SOX5: variants seen among roughly 807,000 people sequenced by gnomAD.
The protein encoded by SOX5 is transcription factor SOX-5.
Under a neutral mutation model 92.0 loss-of-function variants are expected in SOX5, and 9 were observed. That is an observed-to-expected ratio of 0.10 (90% CI 0.06 to 0.17). SOX5 has a LOEUF of 0.17. Ranked by LOEUF, SOX5 falls within the 10% of genes least tolerant of loss-of-function variation. SOX5 has a pLI of 1.00. For synonymous variants in SOX5, 344 were observed against 336.3 expected, an observed-to-expected ratio of 1.02 and a Z score of -0.25; for missense variants, 642 against 944.5, an observed-to-expected ratio of 0.68 and a Z score of 4.20.
chr12:24,277,446 T>TTATA (rs146511822), intron 2 of SOX5: 10 of 99,476 alleles, frequency 1.0e-4, no homozygotes, highest in South Asian at 4.0e-4. Context: ...TGATAAACCA[T>TTATA]TATATATATG....
chr12:23,614,313 C>A (rs1395474077), intron 8 of SOX5, among the ~76,000 whole-genome samples: 1 of 152,194 alleles, frequency 6.6e-6, no homozygotes, highest in Non-Finnish European at 1.5e-5. Flanking sequence ...GCAGAAGACC[C>A]TCCTCCCCCT....
intron 1 of SOX5, among the ~76,000 whole-genome samples, chr12:24,477,990 A>G (rs1190922499): frequency 3.3e-5 from 5 of 152,174 alleles, no homozygotes; most frequent in Non-Finnish European, 7.4e-5. Context: ...TTAGGTTAAC[A>G]GAACAGCAAA....
intron 1 of SOX5, among the ~76,000 whole-genome samples, chr12:24,382,785 C>T (rs995274106): frequency 2.2e-5 from 3 of 139,290 alleles, no homozygotes; most frequent in African/African-American, 8.4e-5. Flanking sequence ...GTTAGATGTA[C>T]AGTAAAAGCA....
chr12:24,509,626 T>C (rs1949119653), intron 1 of SOX5, among the ~76,000 whole-genome samples: 1 of 152,180 alleles, frequency 6.6e-6, no homozygotes, highest in South Asian at 2.1e-4. Context: ...CATGAAAGCA[T>C]AGAGAACTGA....
chr12:24,396,426 G>T (rs1264729251), intron 1 of SOX5, among the ~76,000 whole-genome samples: 1 of 152,198 alleles, frequency 6.6e-6, no homozygotes, highest in Admixed American at 6.5e-5. Context: ...TTTTAGTAAA[G>T]GAGGCAATTG....
At chr12:24,043,139 T>C (rs1314128031) in intron 4 of SOX5, among the ~76,000 whole-genome samples, 2 of 152,192 alleles carry the variant, frequency 1.3e-5, no homozygotes, top group African/African-American at 4.8e-5. Context: ...CCATAGACTT[T>C]CTGGTTCATA....
chr12:24,040,790 G>T (rs991391465), intron 4 of SOX5, among the ~76,000 whole-genome samples: 1 of 152,014 alleles, frequency 6.6e-6, no homozygotes, highest in Non-Finnish European at 1.5e-5. Context: ...GGAGAATGGC[G>T]TACACCTGGG....
intron 1 of SOX5, among the ~76,000 whole-genome samples, chr12:24,516,958 A>C (rs538589785): frequency 4.6e-4 from 70 of 152,318 alleles, no homozygotes; most frequent in Middle Eastern, 3.4e-3. Flanking sequence ...TAATCTGTAG[A>C]ATTAGTCTAA....
intron 6 of SOX5, among the ~76,000 whole-genome samples, chr12:23,710,918 T>C (rs2091988930): frequency 6.6e-6 from 1 of 152,190 alleles, no homozygotes; most frequent in African/African-American, 2.4e-5. Flanking sequence ...TCCTGACTTT[T>C]TAATGATCAC....
chr12:24,408,485 T>A (rs1963453997), intron 1 of SOX5, among the ~76,000 whole-genome samples: 1 of 152,136 alleles, frequency 6.6e-6, no homozygotes, highest in Admixed American at 6.6e-5. Flanking sequence ...TACAGAACAT[T>A]TCCAACACCA....
intron 10 of SOX5, among the ~76,000 whole-genome samples, chr12:23,573,484 G>A (rs915150584): frequency 7.2e-5 from 11 of 151,942 alleles, no homozygotes; most frequent in Non-Finnish European, 2.9e-5. Flanking sequence ...GTTTTCCTAG[G>A]CTAGTATGAC....
chr12:23,588,011 C>T (rs1950988831), intron 9 of SOX5, among the ~76,000 whole-genome samples: 1 of 152,042 alleles, frequency 6.6e-6, no homozygotes, highest in Admixed American at 6.6e-5. Context: ...TCAATAGAGT[C>T]ATTAAGGCAT....
At chr12:24,249,859 T>C (rs1311152828) in intron 3 of SOX5, among the ~76,000 whole-genome samples, 1 of 152,250 alleles carries the variant, frequency 6.6e-6, no homozygotes, top group Non-Finnish European at 1.5e-5. Context: ...TCACCTTTGT[T>C]CTGGTACTTA....
intron 4 of SOX5, among the ~76,000 whole-genome samples, chr12:24,131,524 TA>T (rs1399045110): frequency 6.6e-6 from 1 of 152,242 alleles, no homozygotes; most frequent in African/African-American, 2.4e-5. Context: ...TTTCACAATT[TA>T]AGAATAATCC....
intron 4 of SOX5, among the ~76,000 whole-genome samples, chr12:24,049,235 T>C (rs1592673975): frequency 6.6e-6 from 1 of 152,284 alleles, no homozygotes; most frequent in South Asian, 2.1e-4. Flanking sequence ...TAGGTCAAGG[T>C]AGACTTCTAA....
At chr12:24,095,337 T>C (rs1175688956) in intron 4 of SOX5, among the ~76,000 whole-genome samples, 3 of 152,108 alleles carry the variant, frequency 2.0e-5, no homozygotes, top group Non-Finnish European at 2.9e-5. Context: ...ATTAATATTA[T>C]GTGTGGCAAA....
chr12:23,765,385 CA>C (rs373571301), intron 3 of SOX5, among the ~76,000 whole-genome samples: 73 of 31,424 alleles, frequency 2.3e-3, no homozygotes, highest in African/African-American at 0.01. Flanking sequence ...TGTAAAACAG[CA>C]AAAAAAAAAA....
chr12:23,611,395 T>C (rs1223309598), intron 8 of SOX5, among the ~76,000 whole-genome samples: 3 of 81,814 alleles, frequency 3.7e-5, no homozygotes, highest in Non-Finnish European at 8.9e-5. Flanking sequence ...TGTGTGTGTG[T>C]ATTTATACAT....
intron 8 of SOX5, chr12:23,638,590 G>A (rs960728776): frequency 6.6e-6 from 1 of 152,134 alleles, no homozygotes; most frequent in Non-Finnish European, 1.5e-5. Flanking sequence ...CATCTGACTA[G>A]GCATTGTAGT....
Sources: gnomAD v4.1 joint callset for allele counts (sites outside exome capture counted in the v4.1 genomes callset) on GRCh38, gnomAD v4.1.1 for gene constraint, MANE v1.5 for transcripts, NCBI Gene and HGNC (gene_info 2026-07-23, HGNC 2026-07-21) for gene names.